ACYP2: variants seen among roughly 807,000 people sequenced by gnomAD.
ACYP2 encodes acylphosphatase-2.
ACYP2 carries 12 observed loss-of-function variants against 11.2 expected under a neutral mutation model. The ratio of observed to expected loss-of-function variants is 1.08; its 90% CI spans 0.69 to 1.74. The LOEUF (loss-of-function observed/expected upper bound fraction) is 1.74, where lower values mean the gene tolerates loss of function less well. Among genes scored for constraint, ACYP2 ranks in the 40% most tolerant of loss-of-function variants. The pLI, the probability that ACYP2 is intolerant of heterozygous loss-of-function variation, is 0.00. For synonymous variants in ACYP2, 43 were observed against 32.2 expected (o/e 1.33, Z -1.13); for missense variants, 134 against 101.9 (o/e 1.31, Z -1.35).
At chr2:54,258,038 A>G (rs549843524) in intron 6 of ACYP2, among the ~76,000 whole-genome samples, 3 of 152,348 alleles carry the variant, frequency 2.0e-5, no homozygotes, top group South Asian at 2.1e-4. Flanking sequence ...TTGGGTACCT[A>G]CTGTGTGCCT....
chr2:54,008,170 C>T lies in ACYP2; in HGVS notation c.62+34360C>T, dbSNP rs188290053. Among the ~76,000 whole-genome samples, 567 of 152,332 alleles carry T rather than the reference C, an allele frequency of 3.7e-3. 3 individuals are homozygous for T. Among genetic ancestry groups the T allele is most frequent in the Non-Finnish European group, 6.5e-3 (444 of 68,024 alleles). On this transcript the variant is annotated intron_variant, in intron 2 of 6. Transcript: ENST00000607452. ...CTACCATGTGCTCTGAGGCTTAATGCCTCTTTCCTAGACTGCAGCTATTCA... is the reference window on the plus strand; with the variant it reads ...CTACCATGTGCTCTGAGGCTTAATGTCTCTTTCCTAGACTGCAGCTATTCA...
intron 6 of ACYP2, among the ~76,000 whole-genome samples, chr2:54,235,424 C>T (rs1212687357): frequency 6.6e-6 from 1 of 152,180 alleles, no homozygotes; most frequent in East Asian, 1.9e-4. Flanking sequence ...TCTCGGCTCA[C>T]TGCAAGCTCC....
intron 6 of ACYP2, among the ~76,000 whole-genome samples, chr2:54,210,138 T>C (rs374558599): frequency 2.5e-4 from 24 of 94,640 alleles, no homozygotes; most frequent in African/African-American, 8.2e-4. Flanking sequence ...TGAGACTGTG[T>C]CTCAAAAAAA....
At chr2:54,198,276 A>G (rs1019205529) in intron 6 of ACYP2, among the ~76,000 whole-genome samples, 3 of 152,206 alleles carry the variant, frequency 2.0e-5, no homozygotes, top group Admixed American at 6.5e-5. Flanking sequence ...CGGCCTCCCA[A>G]AGTGCTGGGA....
intron 2 of ACYP2, among the ~76,000 whole-genome samples, chr2:54,030,284 C>T (rs369402869): frequency 1.7e-4 from 26 of 152,160 alleles, no homozygotes; most frequent in African/African-American, 5.8e-4. Context: ...AAACAGCTGC[C>T]TCTGTTACCT....
chr2:54,206,730 A>G (rs1685082569), intron 6 of ACYP2, among the ~76,000 whole-genome samples: 1 of 152,220 alleles, frequency 6.6e-6, no homozygotes, highest in Admixed American at 6.5e-5. Context: ...TGTAATTTAG[A>G]AATGCAAACT....
chr2:54,165,496 CTCTG>C (rs1558581306), intron 6 of ACYP2, among the ~76,000 whole-genome samples: 1 of 148,814 alleles, frequency 6.7e-6, no homozygotes, highest in East Asian at 2.0e-4. Flanking sequence ...GTCTGTCTCT[CTCTG>C]TCTCTCTCTC....
chr2:54,150,731 GTTTC>G, intron 6 of ACYP2, among the ~76,000 whole-genome samples: 1 of 102,204 alleles, frequency 9.8e-6, no homozygotes, highest in Middle Eastern at 6.8e-3. Flanking sequence ...TAGATTCTGC[GTTTC>G]TTTCTTTTTT....
chr2:54,084,173 C>A (rs1000469014), intron 4 of ACYP2, among the ~76,000 whole-genome samples: 21 of 152,146 alleles, frequency 1.4e-4, no homozygotes, highest in African/African-American at 4.8e-4. Context: ...TTCTACTACT[C>A]CAAAAATAGA....
At chr2:54,204,737 C>T (rs1487201135) in intron 6 of ACYP2, among the ~76,000 whole-genome samples, 1 of 152,236 alleles carries the variant, frequency 6.6e-6, no homozygotes, top group African/African-American at 2.4e-5. Context: ...TCAGGGTTTT[C>T]CTATTTGATT....
chr2:54,285,032 C>T (rs1340345428), intron 6 of ACYP2, among the ~76,000 whole-genome samples: 2 of 152,172 alleles, frequency 1.3e-5, no homozygotes, highest in African/African-American at 2.4e-5. Flanking sequence ...GGGAAGTTCA[C>T]GATCAAGGCA....
intron 6 of ACYP2, among the ~76,000 whole-genome samples, chr2:54,174,485 C>A (rs1676184724): frequency 1.3e-5 from 2 of 152,148 alleles, no homozygotes; most frequent in African/African-American, 4.8e-5. Context: ...GACAATTTGA[C>A]TTCCTCTTTT....
At chr2:54,008,208 C>T (rs1418592779) in intron 2 of ACYP2, among the ~76,000 whole-genome samples, 1 of 152,226 alleles carries the variant, frequency 6.6e-6, no homozygotes, top group Non-Finnish European at 1.5e-5. Context: ...GACCATGCAG[C>T]TGCCAAGCTT....
At chr2:54,243,354 C>G (rs116455882) in intron 6 of ACYP2, among the ~76,000 whole-genome samples, 54 of 152,200 alleles carry the variant, frequency 3.5e-4, no homozygotes, top group African/African-American at 1.3e-3. Flanking sequence ...CGTTATTGTA[C>G]TTAATACTGT....
rs1432557752 is a variant in ACYP2, at chr2:54,201,654, C to CTTTGTTTCTT, written c.404+62909_404+62910insGTTTCTTTTT. On this transcript the variant is annotated intron_variant, in intron 6 of 6. Coordinates refer to ENST00000607452, the MANE Select transcript of ACYP2 (RefSeq NM_001320586.2). The stretch of plus-strand genomic sequence containing the variant: ...TTTCTTTCTCTTTCTTTCTTTCTTT[C>CTTTGTTTCTT]TTTCTTTCTTTCTTTCTTTCTTTCT... Among the ~76,000 whole-genome samples the CTTTGTTTCTT allele has an allele frequency of 2.2e-4, 15 of 66,776 alleles. No homozygotes were observed. In the East Asian group the frequency reaches 2.9e-3, roughly 13 times the overall value. 43.8% of individuals were successfully genotyped at this position (66,776 alleles called of 152,430 possible).
rs574447948 is a variant in ACYP2 at position 54,032,479 on chromosome 2, G to A, written c.63-18479G>A. ...CTGAGGGCTCTTTTCTGTTCCATTG[G>A]TCTATATCTCTGTTTTGGTACCAGT... On this transcript the variant is annotated intron_variant, in intron 2 of 6. Transcript: ENST00000607452. 1.3e-3 allele frequency among the ~76,000 whole-genome samples: 198 copies of A among 152,158 alleles called. 2 individuals are homozygous for A. Among genetic ancestry groups the A allele is most frequent in the African/African-American group, 4.7e-3 (194 of 41,510 alleles).
At chr2:54,056,423 A>G (rs1232449338) in intron 3 of ACYP2, among the ~76,000 whole-genome samples, 1 of 152,268 alleles carries the variant, frequency 6.6e-6, no homozygotes, top group African/African-American at 2.4e-5. Flanking sequence ...TGGCAAGGGC[A>G]CATGCTCACT....
chr2:54,129,429 G>A (rs1680759921), intron 4 of ACYP2, among the ~76,000 whole-genome samples: 1 of 151,960 alleles, frequency 6.6e-6, no homozygotes, highest in African/African-American at 2.4e-5. Flanking sequence ...CACCACACCT[G>A]GCTGACTTTA....
intron 6 of ACYP2, among the ~76,000 whole-genome samples, chr2:54,210,528 T>C (rs1485662672): frequency 6.6e-6 from 1 of 152,188 alleles, no homozygotes; most frequent in Non-Finnish European, 1.5e-5. Context: ...TTTGTTGAAA[T>C]AGTTGTTGAT....
Sources: gnomAD v4.1 joint callset for allele counts (sites outside exome capture counted in the v4.1 genomes callset) on GRCh38, gnomAD v4.1.1 for gene constraint, MANE v1.5 for transcripts, NCBI Gene and HGNC (gene_info 2026-07-23, HGNC 2026-07-21) for gene names.